ADCK1: variants seen among roughly 807,000 people sequenced by gnomAD.
ADCK1 encodes aarF domain containing kinase 1, also known as aarF domain-containing protein kinase 1.
ADCK1 carries 41 observed loss-of-function variants against 52.3 expected under a neutral mutation model. The observed-to-expected ratio is 0.78, with a 90% confidence interval of 0.61 to 1.02. ADCK1 has a LOEUF of 1.02. ADCK1 is among the 50% of genes least tolerant of loss of function. The pLI is 0.00. For synonymous variants in ADCK1, 250 were observed against 274.6 expected (o/e 0.91, Z 0.89); for missense variants, 658 against 679.5 (o/e 0.97, Z 0.35).
chr14:77,878,344 C>T (rs1226336474), intron 4 of ADCK1, among the ~76,000 whole-genome samples: 1 of 152,258 alleles, frequency 6.6e-6, no homozygotes, highest in Non-Finnish European at 1.5e-5. Flanking sequence ...TTGAGAATTA[C>T]ATACGAGCAT....
chr14:77,906,220 A>G (rs920529496), intron 6 of ADCK1, among the ~76,000 whole-genome samples: 1 of 152,226 alleles, frequency 6.6e-6, no homozygotes, highest in African/African-American at 2.4e-5. Flanking sequence ...TGTTATTGCT[A>G]GATGAATTTG....
chr14:77,902,414 T>C (rs1056488533), intron 6 of ADCK1: 1 of 152,216 alleles, frequency 6.6e-6, no homozygotes, highest in African/African-American at 2.4e-5. Context: ...GCAGCCTAGA[T>C]CTGGTGTCAC....
chr14:77,871,607 C>T (rs530821032), intron 4 of ADCK1, among the ~76,000 whole-genome samples: 8 of 152,146 alleles, frequency 5.3e-5, no homozygotes, highest in Non-Finnish European at 8.8e-5. Context: ...ATCTGCCCAT[C>T]TTGACCTCCC....
chr14:77,818,982 G>A lies in ADCK1; in HGVS notation c.4G>A (p.Ala2Thr). MARKALKLASWT... is the reference protein window; with the variant it reads MTRKALKLASWT... ...TTTTTCTGCAGGATCTGGCGACATG[G>A]CCAGAAAGGCTCTCAAGCTTGCTTC... The change falls in exon 2 of 11, where the codon GCC becomes ACC. Residue 2 changes from alanine (A) to threonine (T), a missense_variant. Physicochemically the swap from Ala to Thr is moderately conservative, Grantham distance 58. Coordinates refer to ENST00000238561, the MANE Select transcript of ADCK1 (RefSeq NM_020421.4). 1 of 1,613,970 alleles carries A rather than the reference G, an allele frequency of 6.2e-7. No individual in the cohort carries two copies. The highest frequency in any genetic ancestry group is 8.5e-7 in the Non-Finnish European group (1 of 1,179,944).
At chr14:77,839,336 C>T (rs1334565820) in intron 3 of ADCK1, among the ~76,000 whole-genome samples, 3 of 152,298 alleles carry the variant, frequency 2.0e-5, no homozygotes, top group Non-Finnish European at 2.9e-5. Flanking sequence ...GGGAAAGCCT[C>T]CCTTCCCATG....
intron 4 of ADCK1, among the ~76,000 whole-genome samples, chr14:77,864,676 T>C (rs996036900): frequency 1.3e-5 from 2 of 151,914 alleles, no homozygotes; most frequent in African/African-American, 4.8e-5. Flanking sequence ...TGTTTGTGCA[T>C]GCATGTTTGC....
At chr14:77,891,628 T>C (rs947442071) in intron 5 of ADCK1, among the ~76,000 whole-genome samples, 1 of 152,036 alleles carries the variant, frequency 6.6e-6, no homozygotes, top group African/African-American at 2.4e-5. Context: ...GAGTACAGAG[T>C]GGCTCCTTAG....
intron 9 of ADCK1, among the ~76,000 whole-genome samples, chr14:77,928,028 G>A (rs1030701534): frequency 5.3e-5 from 8 of 152,196 alleles, no homozygotes; most frequent in Admixed American, 2.6e-4. Context: ...GGGACTCCAG[G>A]TTGAGAGATG....
intron 5 of ADCK1, among the ~76,000 whole-genome samples, chr14:77,890,641 G>A (rs2083263920): frequency 6.6e-6 from 1 of 152,182 alleles, no homozygotes; most frequent in African/African-American, 2.4e-5. Flanking sequence ...CCTCAACGTT[G>A]TCATATGGGA....
intron 5 of ADCK1, among the ~76,000 whole-genome samples, chr14:77,889,367 G>A (rs1000318781): frequency 2.6e-5 from 4 of 152,150 alleles, no homozygotes; most frequent in Non-Finnish European, 4.4e-5. Flanking sequence ...AAAATATCTT[G>A]TTGTATTGTA....
chr14:77,834,643 G>C (rs934666083), intron 3 of ADCK1, among the ~76,000 whole-genome samples: 1 of 152,232 alleles, frequency 6.6e-6, no homozygotes, highest in African/African-American at 2.4e-5. Context: ...GCCCGTTGCT[G>C]TGTGCTGGGC....
intron 3 of ADCK1, among the ~76,000 whole-genome samples, chr14:77,834,489 A>G (rs2081921447): frequency 2.0e-5 from 3 of 152,052 alleles, no homozygotes; most frequent in Admixed American, 1.3e-4. Flanking sequence ...TTCCTAGCTC[A>G]CACCATTCAT....
intron 3 of ADCK1, among the ~76,000 whole-genome samples, chr14:77,833,544 A>G (rs1353454680): frequency 6.6e-6 from 1 of 152,198 alleles, no homozygotes; most frequent in African/African-American, 2.4e-5. Context: ...TTAGGGAGAC[A>G]GAGTCTGTGA....
chr14:77,931,105 A>G (rs2287652), intron 9 of ADCK1, among the ~76,000 whole-genome samples: 21,654 of 152,144 alleles, frequency 0.14, 1,808 homozygotes, highest in East Asian at 0.37. Context: ...GCTATGGGGC[A>G]GGACTTTGGA....
chr14:77,885,849 C>T lies in ADCK1; in HGVS notation c.424-1242C>T, dbSNP rs57851734. Reference sequence around the variant, plus strand: ...AGAGGATTAGGATTTCAGCCTTGGCCAATCTTGGAAAAGACCTTTAGGGGC... The same window carrying T: ...AGAGGATTAGGATTTCAGCCTTGGCTAATCTTGGAAAAGACCTTTAGGGGC... On this transcript the variant is annotated intron_variant, in intron 4 of 10. Transcript: ENST00000238561. Among the ~76,000 whole-genome samples, 24 of 152,314 alleles carry T rather than the reference C, an allele frequency of 1.6e-4. No homozygotes were observed. The East Asian group carries it at 4.0e-3, about 26-fold the overall frequency.
At chr14:77,876,654 C>A (rs998887496) in intron 4 of ADCK1, among the ~76,000 whole-genome samples, 7 of 152,168 alleles carry the variant, frequency 4.6e-5, no homozygotes, top group African/African-American at 1.4e-4. Flanking sequence ...TGAGCATGCG[C>A]CCCAGTAAAC....
At chr14:77,848,975 G>A (rs543267223) in intron 3 of ADCK1, among the ~76,000 whole-genome samples, 30 of 152,176 alleles carry the variant, frequency 2.0e-4, no homozygotes, top group African/African-American at 3.6e-4. Context: ...ACAGGCGCCC[G>A]CTACCACGCC....
intron 4 of ADCK1, among the ~76,000 whole-genome samples, chr14:77,869,123 A>G (rs1473707928): frequency 2.6e-5 from 4 of 152,132 alleles, no homozygotes; most frequent in African/African-American, 9.7e-5. Context: ...AGAGCCGACA[A>G]GCTGGCCTGG....
chr14:77,871,900 G>C (rs1317598867), intron 4 of ADCK1, among the ~76,000 whole-genome samples: 1 of 152,190 alleles, frequency 6.6e-6, no homozygotes, highest in Non-Finnish European at 1.5e-5. Flanking sequence ...TCATGCCTAA[G>C]TCACTCAGAG....
Sources: gnomAD v4.1 joint callset for allele counts (sites outside exome capture counted in the v4.1 genomes callset) on GRCh38, gnomAD v4.1.1 for gene constraint, MANE v1.5 for transcripts, NCBI Gene and HGNC (gene_info 2026-07-23, HGNC 2026-07-21) for gene names.